Variants in EML4 observed in about 807,000 individuals in gnomAD.
EML4 encodes EMAP like 4, also known as echinoderm microtubule-associated protein-like 4.
In EML4, 72 loss-of-function variants were observed where a neutral mutation model predicts 129.0. That is an observed-to-expected ratio of 0.56 (90% CI 0.46 to 0.68). The LOEUF (loss-of-function observed/expected upper bound fraction) is 0.68. Among genes scored for constraint, EML4 ranks in the 30% least tolerant of loss-of-function variants. The pLI, the probability that EML4 is intolerant of heterozygous loss-of-function variation, is 0.00. For missense variants in EML4, 1,363 were observed against 1,190.6 expected, an observed-to-expected ratio of 1.14 and a Z score of -2.13; for synonymous variants, 532 against 405.0, an observed-to-expected ratio of 1.31 and a Z score of -3.77.
intron 1 of EML4, among the ~76,000 whole-genome samples, chr2:42,201,997 C>T (rs1035286934): frequency 3.3e-5 from 5 of 151,718 alleles, no homozygotes; most frequent in Admixed American, 6.6e-5. Flanking sequence ...GCAGGAGACT[C>T]GCTTGAACTC....
At chr2:42,301,091 C>A in intron 13 of EML4, 150 bp from the exon 14 acceptor site, 1 of 608,854 alleles carries the variant, frequency 1.6e-6, no homozygotes, top group East Asian at 3.2e-5. Context: ...ACCTGCTTTG[C>A]ACAAAAGACT....
intron 7 of EML4, among the ~76,000 whole-genome samples, chr2:42,282,230 AT>A (rs946060786): frequency 6.7e-6 from 1 of 150,048 alleles, no homozygotes; most frequent in Non-Finnish European, 1.5e-5. Flanking sequence ...TAGGGCCTAC[AT>A]TTTTTTTGTT....
In EML4 at chr2:42,295,425, G is replaced by GA; in HGVS notation, c.1400dup (p.Asn467LysfsTer30). The GA allele has an allele frequency of 6.2e-7, 1 of 1,614,018 alleles. No homozygotes were observed. The highest frequency in any genetic ancestry group is 8.5e-7 in the Non-Finnish European group (1 of 1,179,916). ...TTGTGCAGTGTTTAGCATTCTTGGG[G>GA]AATGGAGATGTTCTTACTGGAGACT... On this transcript the variant is annotated frameshift_variant, in exon 13 of 23. Coordinates refer to ENST00000318522, the MANE Select transcript of EML4 (RefSeq NM_019063.5). LOFTEE classifies it high-confidence loss of function.
chr2:42,218,355 C>G (rs1026605623), intron 1 of EML4, among the ~76,000 whole-genome samples: 2 of 151,562 alleles, frequency 1.3e-5, no homozygotes, highest in Non-Finnish European at 2.9e-5. Context: ...TTATAGTGAG[C>G]CATATAATTA....
rs1558572513 is a variant in EML4, at chr2:42,282,916, T to G, written c.885T>G (p.Phe295Leu). 2 of 1,613,494 alleles carry G rather than the reference T, an allele frequency of 1.2e-6. No individual in the cohort carries two copies. The highest frequency in any genetic ancestry group is 1.1e-5 in the South Asian group (1 of 91,060). Residue 295 changes from phenylalanine (F) to leucine (L), a missense_variant, in exon 8 of 23, where the codon TTT becomes TTG. Coordinates refer to ENST00000318522, the MANE Select transcript of EML4 (RefSeq NM_019063.5). Reference protein sequence around the residue: ...VYFIASVVVLFNYEERTQRHY... With the variant: ...VYFIASVVVLLNYEERTQRHY... ...TCATTGCATCAGTAGTAGTACTATTTAATTATGAGGAGAGAACTCAGCGAC... is the reference window on the plus strand; with the variant it reads ...TCATTGCATCAGTAGTAGTACTATTGAATTATGAGGAGAGAACTCAGCGAC...
chr2:42,184,489 G>A (rs1412419109), intron 1 of EML4, among the ~76,000 whole-genome samples: 1 of 148,428 alleles, frequency 6.7e-6, no homozygotes, highest in East Asian at 2.0e-4. Context: ...ACTCTAGTAT[G>A]GTGTCCAAGT....
intron 11 of EML4, among the ~76,000 whole-genome samples, 181 bp from the exon 12 acceptor site, chr2:42,294,944 C>T (rs1464959139): frequency 6.6e-6 from 1 of 152,126 alleles, no homozygotes; most frequent in East Asian, 1.9e-4. Context: ...AATACAAGGA[C>T]ATCAAATTTA....
chr2:42,197,170 C>A (rs952276095), intron 1 of EML4, among the ~76,000 whole-genome samples: 7 of 152,046 alleles, frequency 4.6e-5, no homozygotes, highest in Admixed American at 2.0e-4. Context: ...TCAGGTGATA[C>A]CCCCATCTCA....
intron 6 of EML4, among the ~76,000 whole-genome samples, chr2:42,268,728 G>C (rs576197236): frequency 6.6e-6 from 1 of 152,132 alleles, no homozygotes; most frequent in Non-Finnish European, 1.5e-5. Flanking sequence ...GTGAGCCGCC[G>C]CACCTGGCCT....
chr2:42,180,743 A>G (rs1021309002), intron 1 of EML4, among the ~76,000 whole-genome samples: 3 of 152,264 alleles, frequency 2.0e-5, no homozygotes, highest in African/African-American at 7.2e-5. Context: ...ATGTTGATAC[A>G]TTACTAATTC....
chr2:42,313,208 G>A (rs1431400878), intron 17 of EML4, among the ~76,000 whole-genome samples: 3 of 151,448 alleles, frequency 2.0e-5, no homozygotes, highest in East Asian at 2.0e-4. Context: ...CGCCTGCCTC[G>A]GCCTCCCAAA....
intron 2 of EML4, among the ~76,000 whole-genome samples, chr2:42,249,894 T>C (rs12620021): frequency 0.12 from 18,387 of 152,164 alleles, 1,149 homozygotes; most frequent in East Asian, 0.18. Flanking sequence ...GTTCATAATA[T>C]ATGCACCAGT....
chr2:42,281,062 T>C, intron 7 of EML4, 89 bp downstream of exon 7: 3 of 1,100,954 alleles, frequency 2.7e-6, no homozygotes, highest in Non-Finnish European at 3.7e-6. Context: ...ATTGTCTTTA[T>C]ACAAAAAAAA....
intron 1 of EML4, among the ~76,000 whole-genome samples, chr2:42,173,370 C>G (rs1670387848): frequency 6.6e-6 from 1 of 151,848 alleles, no homozygotes; most frequent in South Asian, 2.1e-4. Flanking sequence ...GTTGTGTAAC[C>G]AGACATGAGT....
At chr2:42,310,430 C>T (rs966995408) in intron 17 of EML4, among the ~76,000 whole-genome samples, 8 of 152,072 alleles carry the variant, frequency 5.3e-5, no homozygotes, top group Non-Finnish European at 1.2e-4. Context: ...CTTGCAGCCT[C>T]TGCCTCCTGG....
At chr2:42,204,245 G>T (rs1245868888) in intron 1 of EML4, among the ~76,000 whole-genome samples, 2 of 152,102 alleles carry the variant, frequency 1.3e-5, no homozygotes, top group Non-Finnish European at 2.9e-5. Context: ...AAAATTAGAA[G>T]TTTTAGTTTT....
chr2:42,281,514 C>A (rs1316439000), intron 7 of EML4, among the ~76,000 whole-genome samples: 1 of 152,056 alleles, frequency 6.6e-6, no homozygotes, highest in Non-Finnish European at 1.5e-5. Flanking sequence ...ATGGCAAGTA[C>A]TTGCTAGAAA....
At chr2:42,214,157 AC>A (rs1460804138) in intron 1 of EML4, among the ~76,000 whole-genome samples, 1 of 152,228 alleles carries the variant, frequency 6.6e-6, no homozygotes, top group Non-Finnish European at 1.5e-5. Context: ...TCTTAAGACA[AC>A]AGCTTGGGCG....
At chr2:42,325,221 T>G (rs1375930177) in intron 19 of EML4, 1 of 572,146 alleles carries the variant, frequency 1.7e-6, no homozygotes, top group Admixed American at 1.9e-5. Flanking sequence ...ACTGTCTTTC[T>G]TGGAAGTGTC....
Sources: allele counts gnomAD v4.1 joint callset (sites outside exome capture counted in the v4.1 genomes callset), GRCh38; gene constraint gnomAD v4.1.1; transcripts MANE v1.5; gene names NCBI Gene and HGNC (gene_info 2026-07-23, HGNC 2026-07-21).